Variants in DPYSL2 observed in about 807,000 individuals in gnomAD.
DPYSL2 encodes dihydropyrimidinase like 2, also known as dihydropyrimidinase-related protein 2.
Under a neutral mutation model 69.9 loss-of-function variants are expected in DPYSL2, and 13 were observed. The ratio of observed to expected loss-of-function variants is 0.19; its 90% confidence interval spans 0.12 to 0.30. The LOEUF (loss-of-function observed/expected upper bound fraction) is 0.30. Ranked by LOEUF, DPYSL2 falls within the 10% of genes least tolerant of loss-of-function variation. The pLI is 1.00. For synonymous variants in DPYSL2, 326 were observed against 359.1 expected, an observed-to-expected ratio of 0.91 and a Z score of 1.04; for missense variants, 587 against 918.9, an observed-to-expected ratio of 0.64 and a Z score of 4.67.
Position 26,652,511 on chromosome 8 carries a change from C to G in DPYSL2, c.1776+75C>G. The G allele has an allele frequency of 7.0e-7, 1 of 1,435,732 alleles. No individual in the cohort carries two copies. The highest frequency in any genetic ancestry group is 1.3e-5 in the South Asian group (1 of 74,090). The allele number at this position is 1,435,732 out of a possible 1,614,324, so 88.9% of individuals were successfully genotyped here. A position where few individuals can be genotyped will look rare whatever the true frequency, so the allele number is the denominator to read the frequency against. On this transcript the variant is annotated intron_variant, in intron 12 of 13. Coordinates refer to ENST00000521913, the MANE Select transcript of DPYSL2 (RefSeq NM_001197293.3). The surrounding 1 kb of genome is among the most constrained non-coding windows in gnomAD (Gnocchi z 6.3). ...CAAGGCCACAAACATTTATTAAGCACCTTGAGACAGAATATTAAGATGAAT... is the reference window on the plus strand; with the variant it reads ...CAAGGCCACAAACATTTATTAAGCAGCTTGAGACAGAATATTAAGATGAAT...
chr8:26,646,417 C>G lies in DPYSL2; in HGVS notation c.1426-1213C>G, dbSNP rs190798774. ...GTCATTCCCCAGTGTCTTCTACCAC[C>G]TGGGTGTCATCAGCAAAGATCCATT... is the stretch of plus-strand genomic sequence containing the variant. On this transcript the variant is annotated intron_variant, in intron 10 of 13. Coordinates refer to ENST00000521913, the MANE Select transcript of DPYSL2 (RefSeq NM_001197293.3). Among the ~76,000 whole-genome samples the G allele has an allele frequency of 1.2e-3, 183 of 152,288 alleles. 1 individual carries two copies. The highest frequency in any genetic ancestry group is 2.1e-4 in the Non-Finnish European group (14 of 68,032).
At chr8:26,572,448 G>C (rs544396513) in intron 1 of DPYSL2, among the ~76,000 whole-genome samples, 73 of 152,320 alleles carry the variant, frequency 4.8e-4, no homozygotes, top group African/African-American at 1.7e-3. Context: ...ATTCAGTCCT[G>C]CTTGAGCCCC....
chr8:26,624,756 G>T lies in DPYSL2; in HGVS notation c.793+449G>T, dbSNP rs1398951876. Among the ~76,000 whole-genome samples, 1 of 152,174 alleles carries T rather than the reference G, an allele frequency of 6.6e-6. No homozygotes were observed. The highest frequency in any genetic ancestry group is 1.5e-5 in the Non-Finnish European group (1 of 68,028). On this transcript the variant is annotated intron_variant, in intron 4 of 13. Coordinates refer to ENST00000521913, the MANE Select transcript of DPYSL2 (RefSeq NM_001197293.3). This position sits in a 1 kb window ranked among gnomAD's most constrained non-coding sequence, Gnocchi z 4.7. ...GATCTAGGATAGATTTGAGGGCTAT[G>T]AGACACTTCAAAACTGAGTGACAAC...
chr8:26,602,432 G>C (rs143178301), intron 3 of DPYSL2, among the ~76,000 whole-genome samples: 1 of 152,130 alleles, frequency 6.6e-6, no homozygotes, highest in Admixed American at 6.6e-5. Flanking sequence ...ATGTAACAGC[G>C]ATGAGATGGC....
intron 1 of DPYSL2, among the ~76,000 whole-genome samples, chr8:26,528,701 C>T (rs777879118): frequency 1.1e-4 from 17 of 151,658 alleles, no homozygotes; most frequent in Non-Finnish European, 1.9e-4. Context: ...AAATAATACT[C>T]ACAGATCCCT....
intron 3 of DPYSL2, among the ~76,000 whole-genome samples, chr8:26,608,080 A>AG (rs1802145974): frequency 6.6e-6 from 1 of 151,732 alleles, no homozygotes; most frequent in Admixed American, 6.6e-5. Context: ...CCATCTCAAA[A>AG]AAAAAAAAAA....
intron 3 of DPYSL2, chr8:26,623,855 C>G (rs982182703): frequency 2.9e-6 from 1 of 346,478 alleles, no homozygotes; most frequent in African/African-American, 2.1e-5. Context: ...ACTCGTTGTC[C>G]GTGAAATGCA....
chr8:26,651,050 A>T (rs1221554387), intron 11 of DPYSL2, among the ~76,000 whole-genome samples: 1 of 152,210 alleles, frequency 6.6e-6, no homozygotes, highest in Non-Finnish European at 1.5e-5. Context: ...TGAGTGTCTT[A>T]GAATTGATGA....
chr8:26,550,499 A>G (rs1312025131), intron 1 of DPYSL2, among the ~76,000 whole-genome samples: 2 of 152,230 alleles, frequency 1.3e-5, no homozygotes, highest in South Asian at 2.1e-4. Context: ...AGAGATTGTC[A>G]GAGTGAATTA....
In DPYSL2 at chr8:26,597,313, G is replaced by C. The variant is rs1286601875; in HGVS notation, c.628+13330G>C. 1.3e-5 allele frequency among the ~76,000 whole-genome samples: 2 copies of C among 152,214 alleles called. No individual in the cohort carries two copies. Among genetic ancestry groups the C allele is most frequent in the Non-Finnish European group, 2.9e-5 (2 of 68,038 alleles). On this transcript the variant is annotated intron_variant, in intron 3 of 13. Coordinates refer to ENST00000521913, the MANE Select transcript of DPYSL2 (RefSeq NM_001197293.3). The surrounding 1 kb of genome is among the most constrained non-coding windows in gnomAD (Gnocchi z 5.2). ...CTTCCATGCGGGGCCAGATTGAGCT[G>C]ATTTCTGTCACGTAGGCTGCTCCGA...
Position 26,514,814 on chromosome 8 carries a change from C to A in DPYSL2, c.354+135C>A. The A allele has an allele frequency of 1.2e-6, 1 of 804,198 alleles. No individual in the cohort carries two copies. Among genetic ancestry groups the A allele is most frequent in the Non-Finnish European group, 1.8e-6 (1 of 563,032 alleles). The allele number at this position is 804,198 out of a possible 1,614,324, so 49.8% of individuals were successfully genotyped here. A position where few individuals can be genotyped will look rare whatever the true frequency, so the allele number is the denominator to read the frequency against. ...CCCGCATCTGCACGCGCACCCCGCC[C>A]TACCCGCCCCTTCTCCGCGCAGGGT... On this transcript the variant is annotated intron_variant, in intron 1 of 13. Transcript: ENST00000521913. This position sits in a 1 kb window ranked among gnomAD's most constrained non-coding sequence, Gnocchi z 8.4.
chr8:26,516,713 G>C lies in DPYSL2; in HGVS notation c.354+2034G>C, dbSNP rs1424143260. ...AATTCACATTGATTTCAGTTGCCCAGTTATTAGTAACAGAGGGCGATTCTA... is the reference window on the plus strand; with the variant it reads ...AATTCACATTGATTTCAGTTGCCCACTTATTAGTAACAGAGGGCGATTCTA... On this transcript the variant is annotated intron_variant, in intron 1 of 13. Transcript: ENST00000521913. This position sits in a 1 kb window ranked among gnomAD's most constrained non-coding sequence, Gnocchi z 4.8. Among the ~76,000 whole-genome samples, 1 of 152,178 alleles carries C rather than the reference G, an allele frequency of 6.6e-6. No individual in the cohort carries two copies. Among genetic ancestry groups the C allele is most frequent in the Non-Finnish European group, 1.5e-5 (1 of 68,030 alleles).
rs561709892 is a variant in DPYSL2 at position 26,529,640 on chromosome 8, T to C, written c.354+14961T>C. On this transcript the variant is annotated intron_variant, in intron 1 of 13. Transcript: ENST00000521913. ...TATAATTTTTCTTTTAAAAACTTGATGCATGTTCAGAGTTATAGTCACATC... is the reference window on the plus strand; with the variant it reads ...TATAATTTTTCTTTTAAAAACTTGACGCATGTTCAGAGTTATAGTCACATC... Among the ~76,000 whole-genome samples, 332 of 152,154 alleles carry C rather than the reference T, an allele frequency of 2.2e-3. 1 individual carries two copies. Among genetic ancestry groups the C allele is most frequent in the African/African-American group, 7.4e-3 (307 of 41,524 alleles).
At position 26,624,923 on chromosome 8, in the gene DPYSL2, C is replaced by T. The variant is rs1175277193; in HGVS notation, c.793+616C>T. 6.6e-6 allele frequency among the ~76,000 whole-genome samples: 1 copy of T among 152,022 alleles called. No homozygotes were observed. The highest frequency in any genetic ancestry group is 6.6e-5 in the Admixed American group (1 of 15,264). Reference sequence around the variant, plus strand: ...TGTCAACAAGAACCTCGGGGGTTTGCGGGGAAGAGCCAGGCCACATCATCT... The same window carrying T: ...TGTCAACAAGAACCTCGGGGGTTTGTGGGGAAGAGCCAGGCCACATCATCT... On this transcript the variant is annotated intron_variant, in intron 4 of 13. Transcript: ENST00000521913. The surrounding 1 kb of genome is among the most constrained non-coding windows in gnomAD (Gnocchi z 4.7).
intron 1 of DPYSL2, among the ~76,000 whole-genome samples, chr8:26,578,747 A>G (rs1017851585): frequency 6.6e-6 from 1 of 152,178 alleles, no homozygotes; most frequent in African/African-American, 2.4e-5. Context: ...CCACCCAAAA[A>G]GGGCTTTCTG....
In DPYSL2 at chr8:26,543,491, G is replaced by GTT. The variant is rs35290709; in HGVS notation, c.354+28824_354+28825dup. On this transcript the variant is annotated intron_variant, in intron 1 of 13. Transcript: ENST00000521913. ...TGGCTAATTCACTGGCTCTACCTTGGTTTTTTTTTTTTTGAGATGGAGTTT... is the reference window on the plus strand; with the variant it reads ...TGGCTAATTCACTGGCTCTACCTTGGTTTTTTTTTTTTTTTGAGATGGAGTTT... 2.6e-3 allele frequency among the ~76,000 whole-genome samples: 370 copies of GTT among 143,810 alleles called. 4 individuals are homozygous for GTT. Among genetic ancestry groups the GTT allele is most frequent in the African/African-American group, 8.0e-3 (314 of 39,214 alleles). The allele number at this position is 143,810 out of a possible 152,430, so 94.3% of individuals were successfully genotyped here.
rs899147928 is a variant in DPYSL2, at chr8:26,650,845, G to T, written c.1597-1412G>T. On this transcript the variant is annotated intron_variant, in intron 11 of 13. Transcript: ENST00000521913. The surrounding 1 kb of genome is among the most constrained non-coding windows in gnomAD (Gnocchi z 5.3). ...AAGTGGGTGCTTGTCCAGCCTTGTG[G>T]TCTGAATGCATGCCGCCTGTGTGGT... Among the ~76,000 whole-genome samples, 21 of 152,280 alleles carry T rather than the reference G, an allele frequency of 1.4e-4. No homozygotes were observed. The highest frequency in any genetic ancestry group is 4.6e-4 in the African/African-American group (19 of 41,554).
Position 26,610,186 on chromosome 8 carries a change from G to A in DPYSL2, c.629-13957G>A, listed in dbSNP as rs1802195119. 1.3e-5 allele frequency among the ~76,000 whole-genome samples: 2 copies of A among 152,168 alleles called. No individual in the cohort carries two copies. The highest frequency in any genetic ancestry group is 4.8e-5 in the African/African-American group (2 of 41,426). The stretch of plus-strand genomic sequence containing the variant: ...CGTCAGGTTTCTTTCCTTTTGATTG[G>A]GATGACATGAAGTCTGTTAATGCGG... On this transcript the variant is annotated intron_variant, in intron 3 of 13. Transcript: ENST00000521913. The surrounding 1 kb of genome is among the most constrained non-coding windows in gnomAD (Gnocchi z 4.5).
intron 3 of DPYSL2, among the ~76,000 whole-genome samples, chr8:26,596,897 A>G (rs1301123133): frequency 1.3e-5 from 2 of 152,182 alleles, no homozygotes; most frequent in African/African-American, 2.4e-5. Flanking sequence ...GGTGCTTTAC[A>G]ACAATCCCAG....
Sources: allele counts gnomAD v4.1 joint callset (sites outside exome capture counted in the v4.1 genomes callset), GRCh38; gene constraint gnomAD v4.1.1; non-coding constraint Gnocchi (gnomAD v3.1); transcripts MANE v1.5; gene names NCBI Gene and HGNC (gene_info 2026-07-23, HGNC 2026-07-21).